The following IFT122 variants were observed in gnomAD, a reference collection of about 807,000 sequenced individuals.
IFT122 encodes intraflagellar transport protein 122 homolog.
A neutral mutation model predicts 161.6 loss-of-function variants in IFT122; 118 were observed. The observed-to-expected ratio is 0.73, with a 90% CI of 0.63 to 0.85. IFT122 has a LOEUF of 0.85. Ranked by LOEUF, IFT122 falls within the 40% of genes least tolerant of loss-of-function variation. IFT122 has a pLI of 0.00. For synonymous variants in IFT122, 550 were observed against 602.4 expected (o/e 0.91, Z 1.27); for missense variants, 1,381 against 1,579.6 (o/e 0.87, Z 2.13).
chr3:129,461,225 C>A lies in IFT122; in HGVS notation c.273-3C>A. ...TAGTAATCTACAGTTGTTTACTTCCCAGGCACAATGATGCTATACAATGTG... is the reference window on the plus strand; with the variant it reads ...TAGTAATCTACAGTTGTTTACTTCCAAGGCACAATGATGCTATACAATGTG... On this transcript the variant is annotated splice_polypyrimidine_tract_variant and splice_region_variant and intron_variant, in intron 4 of 29. Coordinates refer to ENST00000348417, the MANE Select transcript of IFT122 (RefSeq NM_052989.3). The A allele has an allele frequency of 6.2e-7, 1 of 1,610,082 alleles. No individual in the cohort carries two copies. Among genetic ancestry groups the A allele is most frequent in the South Asian group, 1.1e-5 (1 of 90,994 alleles).
chr3:129,494,987 G>GT (rs2080670980), intron 17 of IFT122, among the ~76,000 whole-genome samples: 2 of 152,158 alleles, frequency 1.3e-5, no homozygotes, highest in African/African-American at 4.8e-5. Context: ...TAGGGATATC[G>GT]TAAGACTTGT....
intron 12 of IFT122, 141 bp from the exon 13 acceptor site, chr3:129,479,644 C>G: frequency 2.0e-6 from 2 of 1,019,374 alleles, no homozygotes; most frequent in Non-Finnish European, 3.0e-6. Context: ...CGATGCCAAT[C>G]GTGGGGTCTA....
chr3:129,440,905 T>C (rs1268522244), intron 1 of IFT122, among the ~76,000 whole-genome samples: 1 of 152,162 alleles, frequency 6.6e-6, no homozygotes, highest in Non-Finnish European at 1.5e-5. Context: ...GAAACAAAAC[T>C]GAACAAGCTG....
intron 1 of IFT122, among the ~76,000 whole-genome samples, chr3:129,440,690 A>G (rs533437816): frequency 7.2e-5 from 11 of 152,338 alleles, no homozygotes; most frequent in Admixed American, 5.9e-4. Context: ...CAAGCTTCAC[A>G]GTTCTTGCCA....
At chr3:129,456,733 G>A (rs1414131154) in intron 3 of IFT122, among the ~76,000 whole-genome samples, 1 of 151,928 alleles carries the variant, frequency 6.6e-6, no homozygotes, top group Non-Finnish European at 1.5e-5. Context: ...TGCCCAACAT[G>A]GAGAAACCCC....
chr3:129,501,414 T>G (rs768040920), intron 19 of IFT122, among the ~76,000 whole-genome samples: 13 of 152,218 alleles, frequency 8.5e-5, no homozygotes, highest in Non-Finnish European at 1.8e-4. Flanking sequence ...TATTAATAAT[T>G]GGTGTGTGGG....
At chr3:129,451,740 T>A (rs536451700) in intron 2 of IFT122, among the ~76,000 whole-genome samples, 174 bp from the exon 3 acceptor site, 1 of 152,342 alleles carries the variant, frequency 6.6e-6, no homozygotes, top group Non-Finnish European at 1.5e-5. Context: ...CTCTACTTCT[T>A]GGTTACCCAA....
intron 9 of IFT122, 70 bp downstream of exon 9, chr3:129,469,487 T>C (rs1404878474): frequency 1.7e-6 from 2 of 1,172,686 alleles, no homozygotes; most frequent in African/African-American, 1.5e-5. Context: ...ATTCTGTTAC[T>C]ATTAATTATA....
At chr3:129,463,253 A>G in intron 5 of IFT122, 7 of 333,800 alleles carry the variant, frequency 2.1e-5, no homozygotes, top group South Asian at 5.7e-5. Flanking sequence ...GATTGCCATC[A>G]GCGTGACACA....
chr3:129,517,449 C>A lies in IFT122; in HGVS notation c.3266-20C>A, dbSNP rs1300112872. ...TTGCAAGGCCTCCAGCCCCCTCAGC[C>A]CTTTCTCTATGCCCTCCAGACGTGC... On this transcript the variant is annotated intron_variant, in intron 26 of 29. Coordinates refer to ENST00000348417, the MANE Select transcript of IFT122 (RefSeq NM_052989.3). 1.2e-6 allele frequency: 2 copies of A among 1,612,760 alleles called. No individual in the cohort carries two copies. Among genetic ancestry groups the A allele is most frequent in the Middle Eastern group, 1.7e-4 (1 of 6,054 alleles).
chr3:129,472,240 T>TC (rs1369020519), intron 9 of IFT122, among the ~76,000 whole-genome samples: 2 of 152,048 alleles, frequency 1.3e-5, no homozygotes, highest in African/African-American at 4.8e-5. Flanking sequence ...GCAGCCTTGA[T>TC]CCCCCTGGGC....
At chr3:129,505,543 T>G (rs1207282129) in intron 21 of IFT122, among the ~76,000 whole-genome samples, 1 of 152,192 alleles carries the variant, frequency 6.6e-6, no homozygotes, top group South Asian at 2.1e-4. Flanking sequence ...TCCATCACCA[T>G]AGTAACTTGG....
At chr3:129,445,213 C>G (rs1396599827) in intron 1 of IFT122, among the ~76,000 whole-genome samples, 1 of 152,120 alleles carries the variant, frequency 6.6e-6, no homozygotes, top group Admixed American at 6.5e-5. Flanking sequence ...GTCATCCCAG[C>G]TACTCAGGAG....
At chr3:129,481,251 C>T in intron 13 of IFT122, 1 of 419,774 alleles carries the variant, frequency 2.4e-6, no homozygotes. Flanking sequence ...ATGTCATCAA[C>T]AAATCCCCAG....
chr3:129,443,535 C>A (rs564911557), intron 1 of IFT122, among the ~76,000 whole-genome samples: 5 of 152,222 alleles, frequency 3.3e-5, no homozygotes, highest in African/African-American at 9.7e-5. Context: ...ATGACAAGGT[C>A]TAGAGTCCTT....
Position 129,512,346 on chromosome 3 carries a change from T to A in IFT122, c.2921T>A (p.Leu974His). 1 of 1,614,118 alleles carries A rather than the reference T, an allele frequency of 6.2e-7. No homozygotes were observed. The highest frequency in any genetic ancestry group is 8.5e-7 in the Non-Finnish European group (1 of 1,179,918). Reference sequence around the variant, plus strand: ...TTCAGTGTCCATCGTCCTGAAACTCTTTTCAACATCTCCAGGTTCCTGCTG... The same window carrying A: ...TTCAGTGTCCATCGTCCTGAAACTCATTTCAACATCTCCAGGTTCCTGCTG... ...DPFSVHRPET[L>H]FNISRFLLHS... is the part of the protein sequence containing the mutation. Residue 974 changes from leucine (L) to histidine (H), a missense_variant, in exon 24 of 30, where the codon CTT (leucine) becomes CAT (histidine). Physicochemically the swap from Leu to His is moderately conservative, Grantham distance 99. This residue lies in a region of IFT122 where 496 missense variants were observed against 502.5 expected (regional missense o/e 0.99). Transcript: ENST00000348417.
At position 129,518,640 on chromosome 3, in the gene IFT122, GC is replaced by G. The variant is rs2084322687; in HGVS notation, c.3392-466del. Among the ~76,000 whole-genome samples the G allele has an allele frequency of 3.3e-5, 5 of 152,280 alleles. No homozygotes were observed. In the South Asian group the frequency reaches 1.0e-3, roughly 32 times the overall value. On this transcript the variant is annotated intron_variant, in intron 27 of 29. Transcript: ENST00000348417. ...CAGTCCCCATGTCCTGGGCCTCCCT[GC>G]AGGACCCCTGCTGGCCTCTGTTACC...
At chr3:129,497,839 A>G (rs1453879222) in intron 18 of IFT122, among the ~76,000 whole-genome samples, 32 of 152,298 alleles carry the variant, frequency 2.1e-4, no homozygotes, top group Non-Finnish European at 1.3e-4. Flanking sequence ...ATTTTTGTTT[A>G]CTTGAAAATT....
At position 129,478,084 on chromosome 3, in the gene IFT122, C is replaced by T. The variant is rs1331558035; in HGVS notation, c.1216C>T (p.Pro406Ser). 7 of 1,613,908 alleles carry T rather than the reference C, an allele frequency of 4.3e-6. No individual in the cohort carries two copies. In the South Asian group the frequency reaches 6.6e-5, roughly 15 times the overall value. The stretch of plus-strand genomic sequence containing the variant: ...CAGAAATCGATTGGCTATCCAACTG[C>T]CAGAGAAAATCCTCATCTATGAGTT... ...IYRNRLAIQL[P>S]EKILIYELYS... The change falls in exon 12 of 30, where the codon CCA (proline) becomes TCA (serine). Residue 406 changes from proline (P) to serine (S), a missense_variant. By Grantham distance (74) the Pro-to-Ser change is moderately conservative. Around this residue, in one of 7 missense-constraint regions of IFT122, gnomAD observed 544 missense variants for 648.0 expected, o/e 0.84. Transcript: ENST00000348417.
Sources: gnomAD v4.1 joint callset for allele counts (sites outside exome capture counted in the v4.1 genomes callset) on GRCh38, gnomAD v4.1.1 for gene constraint, gnomAD v4.1.1 regional missense constraint, MANE v1.5 for transcripts, NCBI Gene and HGNC (gene_info 2026-07-23, HGNC 2026-07-21) for gene names.